MLXIPL: variants seen among roughly 807,000 people sequenced by gnomAD.
The protein encoded by MLXIPL is carbohydrate-responsive element-binding protein.
A neutral mutation model predicts 81.5 loss-of-function variants in MLXIPL; 49 were observed. The observed-to-expected ratio is 0.60, with a 90% confidence interval of 0.48 to 0.76. The LOEUF (loss-of-function observed/expected upper bound fraction) is 0.76, where lower values mean the gene tolerates loss of function less well. MLXIPL is among the 30% of genes least tolerant of loss of function. The pLI, the probability that MLXIPL is intolerant of heterozygous loss-of-function variation, is 0.00. For synonymous variants in MLXIPL, 466 were observed against 485.5 expected, an observed-to-expected ratio of 0.96 and a Z score of 0.53; for missense variants, 1,053 against 1,167.0, an observed-to-expected ratio of 0.90 and a Z score of 1.42.
At chr7:73,614,904 A>C (rs887822771) in intron 2 of MLXIPL, among the ~76,000 whole-genome samples, 1 of 142,846 alleles carries the variant, frequency 7.0e-6, no homozygotes, top group Non-Finnish European at 1.5e-5. Flanking sequence ...TCCGCCTCCC[A>C]GGTTCACGCC....
rs1554603078 is a variant in MLXIPL, at chr7:73,624,357, C to T, written c.136G>A (p.Val46Ile). 13 of 1,583,524 alleles carry T rather than the reference C, an allele frequency of 8.2e-6. No individual in the cohort carries two copies. In the Admixed American group the frequency reaches 1.6e-4, roughly 20 times the overall value. ...RSAGGLLRSQVIHSGHFMVSS... is the reference protein window; with the variant it reads ...RSAGGLLRSQIIHSGHFMVSS... ...ACCATGAAGTGACCGCTGTGGATGA[C>T]CTGCGAGCGGAGCAAGCCGCCCGCG... is the stretch of plus-strand genomic sequence containing the variant. Residue 46 changes from valine (V) to isoleucine (I), a missense_variant, in exon 1 of 17, where the codon GTC (valine) becomes ATC (isoleucine). By Grantham distance (29) the Val-to-Ile change is conservative (BLOSUM62 3). Around this residue, in one of 3 missense-constraint regions of MLXIPL, gnomAD observed 226 missense variants for 216.2 expected, o/e 1.05. Coordinates refer to ENST00000313375, the MANE Select transcript of MLXIPL (RefSeq NM_032951.3).
chr7:73,594,553 C>CTT (rs782303521), intron 15 of MLXIPL, 150 bp from the exon 16 acceptor site: 530 of 745,484 alleles, frequency 7.1e-4, no homozygotes, highest in Non-Finnish European at 8.9e-4. Context: ...CCTACTTCTT[C>CTT]TTTTTTTTTT....
In MLXIPL at chr7:73,624,522, T is replaced by C. The variant is rs369585671; in HGVS notation, c.-30A>G. On this transcript the variant is annotated 5_prime_UTR_variant, in exon 1 of 17. Transcript: ENST00000313375. ...GTCGCCGCCGCAACCGCCTGGTCCC[T>C]GCTCCGCGCAGCGCGGGGAACAGCT... 18,327 of 1,510,712 alleles carry C rather than the reference T, an allele frequency of 0.012. 151 individuals are homozygous for C. The highest frequency in any genetic ancestry group is 0.014 in the Non-Finnish European group (16,038 of 1,136,570). 93.6% of individuals were successfully genotyped at this position (1,510,712 alleles called of 1,614,324 possible). A position where few individuals can be genotyped will look rare whatever the true frequency, so the allele number is the denominator to read the frequency against.
At chr7:73,604,423 A>T (rs1336239457) in intron 7 of MLXIPL, among the ~76,000 whole-genome samples, 1 of 151,280 alleles carries the variant, frequency 6.6e-6, no homozygotes, top group African/African-American at 2.4e-5. Flanking sequence ...CATAAAAAAA[A>T]TTAGCCAGGC....
chr7:73,634,818 T>C, the MLXIPL span, among the ~76,000 whole-genome samples: 4 of 149,586 alleles, frequency 2.7e-5, no homozygotes, highest in African/African-American at 9.8e-5. Context: ...ATTATTATTA[T>C]TATTATTATT....
the MLXIPL span, among the ~76,000 whole-genome samples, chr7:73,633,603 G>A: frequency 1.3e-5 from 2 of 152,092 alleles, no homozygotes; most frequent in Non-Finnish European, 1.5e-5. Flanking sequence ...ACAGGTGGGA[G>A]CCACCATGCC....
intron 15 of MLXIPL, among the ~76,000 whole-genome samples, chr7:73,595,072 C>T (rs577968537): frequency 6.6e-6 from 1 of 152,248 alleles, no homozygotes; most frequent in South Asian, 2.1e-4. Flanking sequence ...TCTTGAACTC[C>T]TGGCCTCAAG....
At chr7:73,616,993 T>TTTTGG (rs1333290913) in intron 1 of MLXIPL, among the ~76,000 whole-genome samples, 1 of 151,842 alleles carries the variant, frequency 6.6e-6, no homozygotes, top group East Asian at 1.9e-4. Flanking sequence ...CTGTGTTTTG[T>TTTTGG]TTTGGTTTGG....
upstream of MLXIPL, among the ~76,000 whole-genome samples, chr7:73,627,418 T>G (rs545037175): frequency 1.3e-5 from 2 of 151,938 alleles, no homozygotes; most frequent in Non-Finnish European, 2.9e-5. Flanking sequence ...CCGACTAATT[T>G]TTGTATTTTT....
chr7:73,641,928 C>T, the MLXIPL span, among the ~76,000 whole-genome samples: 4 of 152,168 alleles, frequency 2.6e-5, no homozygotes, highest in Non-Finnish European at 5.9e-5. Context: ...GCCACTGTGC[C>T]AGGCCAATTC....
At chr7:73,627,828 G>T (rs1362875481), upstream of MLXIPL, among the ~76,000 whole-genome samples, 2 of 151,980 alleles carry the variant, frequency 1.3e-5, no homozygotes, top group African/African-American at 4.8e-5. Flanking sequence ...GGACCTCCTG[G>T]CTCCGGGGAC....
rs1554594394 is a variant in MLXIPL at position 73,596,955 on chromosome 7, G to A, written c.1604-23C>T. ...TAGCTGTGCACGGGCAGAACCGTGA[G>A]GCTACTGGGGCTGGCCCACCCCCGG... On this transcript the variant is annotated intron_variant, in intron 9 of 16. Coordinates refer to ENST00000313375, the MANE Select transcript of MLXIPL (RefSeq NM_032951.3). This position sits in a 1 kb window ranked among gnomAD's most constrained non-coding sequence, Gnocchi z 4.7. The A allele has an allele frequency of 1.9e-6, 3 of 1,599,780 alleles. No homozygotes were observed. The Admixed American group carries it at 5.2e-5, about 28-fold the overall frequency.
intron 1 of MLXIPL, among the ~76,000 whole-genome samples, chr7:73,620,576 T>C (rs1796281877): frequency 9.1e-6 from 1 of 110,162 alleles, no homozygotes; most frequent in Non-Finnish European, 1.8e-5. Context: ...CCACCTGTAC[T>C]GAAAAAAAAA....
chr7:73,594,024 G>A (rs1243406201), intron 16 of MLXIPL, 41 bp from the exon 17 acceptor site: 15 of 1,562,480 alleles, frequency 9.6e-6, no homozygotes, highest in Non-Finnish European at 1.3e-5. Context: ...CACTTCCTGG[G>A]GTCAGGGCCC....
the MLXIPL span, among the ~76,000 whole-genome samples, chr7:73,634,099 T>C: frequency 6.6e-6 from 1 of 152,214 alleles, no homozygotes; most frequent in African/African-American, 2.4e-5. Flanking sequence ...TCACTTCCCC[T>C]GTCTGGATCT....
At chr7:73,632,764 T>TTCCG in the MLXIPL span, among the ~76,000 whole-genome samples, 2 of 87,716 alleles carry the variant, frequency 2.3e-5, no homozygotes, top group South Asian at 5.8e-4. Context: ...CCTTCCTTCC[T>TTCCG]TCCTTCCTTC....
At chr7:73,647,788 G>C in the MLXIPL span, among the ~76,000 whole-genome samples, 1 of 151,562 alleles carries the variant, frequency 6.6e-6, no homozygotes, top group Non-Finnish European at 1.5e-5. Flanking sequence ...GAATCCGCTC[G>C]ACCTGCAGAG....
intron 2 of MLXIPL, among the ~76,000 whole-genome samples, chr7:73,613,710 G>T (rs1795839476): frequency 6.6e-6 from 1 of 152,224 alleles, no homozygotes; most frequent in Admixed American, 6.5e-5. Context: ...GTTAGGACAT[G>T]CTAGGGCTGG....
chr7:73,633,069 C>A, the MLXIPL span, among the ~76,000 whole-genome samples: 1 of 146,248 alleles, frequency 6.8e-6, no homozygotes, highest in African/African-American at 2.6e-5. Context: ...GAGTGAGCCA[C>A]CCCACCCTAC....
Sources: gnomAD v4.1 joint callset for allele counts (sites outside exome capture counted in the v4.1 genomes callset) on GRCh38, gnomAD v4.1.1 for gene constraint, gnomAD v4.1.1 regional missense constraint, Gnocchi (gnomAD v3.1) non-coding constraint, MANE v1.5 for transcripts, NCBI Gene and HGNC (gene_info 2026-07-23, HGNC 2026-07-21) for gene names.